Variants in ABR observed in about 807,000 individuals in gnomAD.
The protein encoded by ABR is active breakpoint cluster region-related protein.
A neutral mutation model predicts 107.2 loss-of-function variants in ABR; 35 were observed. That is an observed-to-expected ratio of 0.33 (90% CI 0.25 to 0.43). The LOEUF (loss-of-function observed/expected upper bound fraction) is 0.43. Ranked by LOEUF, ABR falls within the 20% of genes least tolerant of loss-of-function variation. The probability of loss-of-function intolerance (pLI) is 1.00; values close to 1 mark genes in which losing one functional copy is unlikely to be tolerated. For synonymous variants in ABR, 498 were observed against 462.0 expected (o/e 1.08, Z -1.00); for missense variants, 815 against 1,115.2 (o/e 0.73, Z 3.83).
chr17:1,059,401 C>T (rs538390330), intron 10 of ABR, among the ~76,000 whole-genome samples: 10 of 152,332 alleles, frequency 6.6e-5, no homozygotes, highest in Admixed American at 6.5e-5. Flanking sequence ...TCTTGAGAAC[C>T]CTAAATAATA....
chr17:1,113,106 C>A (rs536447007), intron 2 of ABR, among the ~76,000 whole-genome samples: 2 of 152,078 alleles, frequency 1.3e-5, no homozygotes, highest in African/African-American at 4.8e-5. Context: ...ACAGGGAACC[C>A]CGTGCCTACC....
intron 12 of ABR, 27 bp downstream of exon 12, chr17:1,057,943 G>A: frequency 6.3e-7 from 1 of 1,595,556 alleles, no homozygotes; most frequent in Non-Finnish European, 8.6e-7. Flanking sequence ...GACATCATTG[G>A]GGAGCGTGGA....
chr17:1,222,285 G>C (rs1316815573), intron 1 of ABR, among the ~76,000 whole-genome samples: 1 of 151,966 alleles, frequency 6.6e-6, no homozygotes, highest in Admixed American at 6.6e-5. Flanking sequence ...GGCTGGTCTC[G>C]AACTCCTGAC....
chr17:1,111,115 A>G (rs1002973346), intron 2 of ABR, among the ~76,000 whole-genome samples: 7 of 152,156 alleles, frequency 4.6e-5, no homozygotes, highest in African/African-American at 1.4e-4. Flanking sequence ...GGTGACACGA[A>G]GAAGGGCCTA....
rs1597774457 is a variant in ABR at position 1,092,829 on chromosome 17, G to A, written c.346-979C>T. ...GGGTGGCCAGAGGGAGAGCAGCCAC[G>A]TCGAATTCTTTTTTTTTTGGAGACG... is the stretch of plus-strand genomic sequence containing the variant. On this transcript the variant is annotated intron_variant, in intron 3 of 22. Transcript: ENST00000302538. This position sits in a 1 kb window ranked among gnomAD's most constrained non-coding sequence, Gnocchi z 4.6. 6.6e-6 allele frequency among the ~76,000 whole-genome samples: 1 copy of A among 151,894 alleles called. No individual in the cohort carries two copies. The highest frequency in any genetic ancestry group is 1.9e-4 in the East Asian group (1 of 5,156).
At chr17:1,155,731 C>G (rs1321701567) in intron 1 of ABR, among the ~76,000 whole-genome samples, 2 of 151,994 alleles carry the variant, frequency 1.3e-5, no homozygotes, top group Non-Finnish European at 1.5e-5. Context: ...TTTGGGAGGC[C>G]GAGGCGGGCA....
intron 1 of ABR, among the ~76,000 whole-genome samples, chr17:1,135,287 G>C (rs1465266132): frequency 6.6e-6 from 1 of 152,212 alleles, no homozygotes; most frequent in Non-Finnish European, 1.5e-5. Context: ...GTGAGGATGG[G>C]TGACCTGGCC....
chr17:1,172,291 C>T (rs75977215), intron 1 of ABR, among the ~76,000 whole-genome samples: 5,243 of 152,286 alleles, frequency 0.034, 151 homozygotes, highest in East Asian at 0.12. Flanking sequence ...AGCCTCCATA[C>T]GGGGGTGCCT....
At chr17:1,170,078 C>A (rs1471988576) in intron 1 of ABR, among the ~76,000 whole-genome samples, 2 of 152,032 alleles carry the variant, frequency 1.3e-5, no homozygotes, top group Non-Finnish European at 2.9e-5. Context: ...CACAGCAATG[C>A]AGGCACGTGG....
chr17:1,181,688 A>G (rs755470139), upstream of ABR, among the ~76,000 whole-genome samples: 1 of 152,198 alleles, frequency 6.6e-6, no homozygotes, highest in East Asian at 1.9e-4. Flanking sequence ...CGGAGGAGCC[A>G]TGAGGGGCCA....
intron 1 of ABR, among the ~76,000 whole-genome samples, chr17:1,152,010 C>T (rs1205607988): frequency 6.7e-6 from 1 of 149,636 alleles, no homozygotes; most frequent in East Asian, 2.0e-4. Context: ...AAAAAGTTAG[C>T]CAGGCGTGGT....
At chr17:1,074,698 G>A (rs562161670) in intron 6 of ABR, among the ~76,000 whole-genome samples, 8 of 152,356 alleles carry the variant, frequency 5.3e-5, no homozygotes, top group African/African-American at 1.9e-4. Flanking sequence ...CAGGGAGGCT[G>A]GAGGCCAGGA....
chr17:1,224,537 AGT>A (rs2043179638), intron 1 of ABR, among the ~76,000 whole-genome samples: 1 of 152,088 alleles, frequency 6.6e-6, no homozygotes, highest in East Asian at 1.9e-4. Flanking sequence ...GCAGATAATG[AGT>A]GTGATTGCTG....
At chr17:1,075,999 G>C in intron 6 of ABR, among the ~76,000 whole-genome samples, 1 of 152,168 alleles carries the variant, frequency 6.6e-6, no homozygotes, top group East Asian at 1.9e-4. Flanking sequence ...CTGAGATTGC[G>C]CCATTGCACT....
intron 5 of ABR, 109 bp downstream of exon 5, chr17:1,083,411 T>C (rs1198552194): frequency 1.5e-6 from 1 of 687,392 alleles, no homozygotes; most frequent in Non-Finnish European, 2.5e-6. Context: ...GTGTTACCCA[T>C]TAGAGTAACC....
At chr17:1,107,510 C>CGGGGTCCAGCAGAAGGG (rs1220990983) in intron 2 of ABR, among the ~76,000 whole-genome samples, 3 of 152,246 alleles carry the variant, frequency 2.0e-5, no homozygotes, top group African/African-American at 7.2e-5. Flanking sequence ...AGGCATACGC[C>CGGGGTCCAGCAGAAGGG]GGGGTCCAGC....
intron 1 of ABR, among the ~76,000 whole-genome samples, chr17:1,224,209 A>G (rs904186907): frequency 2.6e-5 from 4 of 151,244 alleles, no homozygotes; most frequent in Admixed American, 2.0e-4. Context: ...CCGTCCCCTC[A>G]CTCCTCACCA....
rs1033557678 is a variant in ABR, at chr17:1,157,835, C to T, written c.61+21832G>A. On this transcript the variant is annotated intron_variant, in intron 1 of 22. Transcript: ENST00000302538. The surrounding 1 kb of genome is among the most constrained non-coding windows in gnomAD (Gnocchi z 4.7). ...ACCCACGATGGGGTGCACTCAGCCCCGTATCATTCATGCTGCAGGTCAGCC... is the reference window on the plus strand; with the variant it reads ...ACCCACGATGGGGTGCACTCAGCCCTGTATCATTCATGCTGCAGGTCAGCC... Among the ~76,000 whole-genome samples, 1 of 152,218 alleles carries T rather than the reference C, an allele frequency of 6.6e-6. No homozygotes were observed. The highest frequency in any genetic ancestry group is 2.4e-5 in the African/African-American group (1 of 41,446).
chr17:1,070,059 A>C lies in ABR; in HGVS notation c.926T>G (p.Val309Gly). 2 of 1,613,320 alleles carry C rather than the reference A, an allele frequency of 1.2e-6. No homozygotes were observed. The highest frequency in any genetic ancestry group is 1.7e-6 in the Non-Finnish European group (2 of 1,179,786). Residue 309 changes from valine (V) to glycine (G), a missense_variant, in exon 9 of 23, where the codon GTG becomes GGG. Coordinates refer to ENST00000302538, the MANE Select transcript of ABR (RefSeq NM_021962.5). The surrounding 1 kb of genome is among the most constrained non-coding windows in gnomAD (Gnocchi z 4.2). ...CTTCCGGGAGCTCTCTGACACTTCC[A>C]CCAGGAAGCCGTCCTTCACCAGCTG... Reference protein sequence around the residue: ...TRQLVKDGFLVEVSESSRKLR... With the variant: ...TRQLVKDGFLGEVSESSRKLR...
Sources: allele counts gnomAD v4.1 joint callset (sites outside exome capture counted in the v4.1 genomes callset), GRCh38; gene constraint gnomAD v4.1.1; non-coding constraint Gnocchi (gnomAD v3.1); transcripts MANE v1.5; gene names NCBI Gene and HGNC (gene_info 2026-07-23, HGNC 2026-07-21).